Variants in SCRN1 observed in about 807,000 individuals in gnomAD.
The protein encoded by SCRN1 is secernin-1.
SCRN1 carries 19 observed loss-of-function variants against 43.3 expected under a neutral mutation model. The ratio of observed to expected loss-of-function variants is 0.44; its 90% CI spans 0.31 to 0.64. SCRN1 has a LOEUF of 0.64. Ranked by LOEUF, SCRN1 falls within the 30% of genes least tolerant of loss-of-function variation. SCRN1 has a pLI of 0.09. For missense variants in SCRN1, 447 were observed against 524.1 expected (o/e 0.85, Z 1.44); for synonymous variants, 183 against 188.9 (o/e 0.97, Z 0.26).
chr7:29,929,411 C>T (rs1787083755), intron 6 of SCRN1, among the ~76,000 whole-genome samples: 1 of 152,236 alleles, frequency 6.6e-6, no homozygotes, highest in Non-Finnish European at 1.5e-5. Flanking sequence ...AATCCCCATG[C>T]CACTCCAAAG....
chr7:29,979,612 C>T (rs1788939226), intron 1 of SCRN1, among the ~76,000 whole-genome samples: 1 of 152,150 alleles, frequency 6.6e-6, no homozygotes, highest in African/African-American at 2.4e-5. Context: ...CTCCTCCATA[C>T]CCAGTGATTC....
At chr7:29,936,278 C>T (rs898292664) in intron 6 of SCRN1, among the ~76,000 whole-genome samples, 1 of 152,138 alleles carries the variant, frequency 6.6e-6, no homozygotes, top group Non-Finnish European at 1.5e-5. Context: ...TAGGTTGGTG[C>T]AAAAGTAACG....
chr7:29,936,890 C>CA lies in SCRN1; in HGVS notation c.740-170dup, dbSNP rs1048560766. On this transcript the variant is annotated intron_variant, in intron 5 of 7. Coordinates refer to ENST00000242059, the MANE Select transcript of SCRN1 (RefSeq NM_014766.5). ...TGAAACCCCGTCTGTACTAAAAATA[C>CA]AAAAAAAAAGCCAGGGGTGGTGGCA... Among the ~76,000 whole-genome samples the CA allele has an allele frequency of 2.4e-4, 36 of 150,554 alleles. 1 individual carries two copies. The highest frequency in any genetic ancestry group is 9.2e-4 in the Admixed American group (14 of 15,146).
At chr7:29,947,276 G>C (rs1194760704) in intron 3 of SCRN1, 14 of 1,550,790 alleles carry the variant, frequency 9.0e-6, no homozygotes, top group Non-Finnish European at 1.2e-5. Context: ...CCTTCTCACA[G>C]GTATGTCAAG....
At chr7:29,945,061 G>T (rs1028327532) in intron 3 of SCRN1, among the ~76,000 whole-genome samples, 1 of 152,216 alleles carries the variant, frequency 6.6e-6, no homozygotes, top group African/African-American at 2.4e-5. Context: ...ATGGGCAGCT[G>T]GTTGGGACAT....
At chr7:29,986,591 G>C (rs1393606631) in intron 1 of SCRN1, among the ~76,000 whole-genome samples, 1 of 151,364 alleles carries the variant, frequency 6.6e-6, no homozygotes, top group African/African-American at 2.4e-5. Context: ...TTGTTTATCT[G>C]TATTCTTATT....
At chr7:29,961,782 C>A (rs1258297856) in intron 2 of SCRN1, among the ~76,000 whole-genome samples, 2 of 145,468 alleles carry the variant, frequency 1.4e-5, no homozygotes, top group African/African-American at 5.1e-5. Flanking sequence ...GGGGGCTGAC[C>A]CCCCCACCTC....
At position 29,937,642 on chromosome 7, in the gene SCRN1, G is replaced by A. The variant is rs141833686; in HGVS notation, c.740-921C>T. On this transcript the variant is annotated intron_variant, in intron 5 of 7. Coordinates refer to ENST00000242059, the MANE Select transcript of SCRN1 (RefSeq NM_014766.5). Reference sequence around the variant, plus strand: ...TCTATTTGGAGAATGTCCTCTCTGCGGTGGGAAATATATGCACAGAGAGGC... The same window carrying A: ...TCTATTTGGAGAATGTCCTCTCTGCAGTGGGAAATATATGCACAGAGAGGC... 1.4e-3 allele frequency among the ~76,000 whole-genome samples: 213 copies of A among 152,280 alleles called. 3 individuals are homozygous for A. Among genetic ancestry groups the A allele is most frequent in the African/African-American group, 5.0e-3 (206 of 41,560 alleles).
At chr7:29,938,693 C>T (rs987837603) in intron 5 of SCRN1, among the ~76,000 whole-genome samples, 2 of 152,240 alleles carry the variant, frequency 1.3e-5, no homozygotes, top group East Asian at 3.8e-4. Context: ...TTATTTCGGC[C>T]CATCCCTTTG....
intron 4 of SCRN1, 129 bp downstream of exon 4, chr7:29,943,848 T>C (rs1483896983): frequency 1.2e-6 from 1 of 842,322 alleles, no homozygotes; most frequent in African/African-American, 1.7e-5. Context: ...TGCCAAAGCA[T>C]GACAGTCCCA....
intron 3 of SCRN1, among the ~76,000 whole-genome samples, chr7:29,949,791 A>G (rs1042922094): frequency 6.6e-6 from 1 of 152,008 alleles, no homozygotes; most frequent in Non-Finnish European, 1.5e-5. Context: ...TTCCCGCCTC[A>G]GTCTCTCAAG....
chr7:29,938,488 C>T (rs1490795056), intron 5 of SCRN1, among the ~76,000 whole-genome samples: 7 of 152,352 alleles, frequency 4.6e-5, no homozygotes, highest in African/African-American at 1.4e-4. Context: ...ATCTCTGCAG[C>T]ACTGTGACAT....
intron 6 of SCRN1, among the ~76,000 whole-genome samples, chr7:29,936,330 A>G (rs1021340410): frequency 1.3e-5 from 2 of 152,238 alleles, no homozygotes; most frequent in Non-Finnish European, 2.9e-5. Flanking sequence ...AATAAATTTA[A>G]AAGAACTACT....
chr7:29,989,856 G>GT (rs1286074753), upstream of SCRN1: 2 of 850,852 alleles, frequency 2.4e-6, no homozygotes, highest in Non-Finnish European at 2.6e-6. Context: ...ACGTGACCGC[G>GT]GGCCCACCCT....
intron 1 of SCRN1, among the ~76,000 whole-genome samples, chr7:29,984,304 A>C (rs1789084585): frequency 6.6e-6 from 1 of 152,058 alleles, no homozygotes; most frequent in Non-Finnish European, 1.5e-5. Context: ...TTTACAATTA[A>C]AACCACAAAA....
intron 2 of SCRN1, among the ~76,000 whole-genome samples, chr7:29,961,749 C>T (rs1424374424): frequency 2.0e-5 from 3 of 150,720 alleles, no homozygotes. Flanking sequence ...CCTCACCTCC[C>T]GGATGGGGCG....
intron 3 of SCRN1, 56 bp from the exon 4 acceptor site, chr7:29,944,235 C>T: frequency 6.5e-7 from 1 of 1,540,360 alleles, no homozygotes; most frequent in African/African-American, 1.4e-5. Context: ...AGGATTGTTA[C>T]TAGAGTAACC....
upstream of SCRN1, chr7:29,990,114 C>T (rs916625666): frequency 1.3e-6 from 2 of 1,550,168 alleles, no homozygotes; most frequent in Admixed American, 2.0e-5. Context: ...CTCTTCCCGA[C>T]GTTTGGTTGC....
intron 1 of SCRN1, among the ~76,000 whole-genome samples, chr7:29,984,152 G>C (rs1414687166): frequency 1.4e-5 from 2 of 139,706 alleles, no homozygotes; most frequent in Non-Finnish European, 3.0e-5. Context: ...CTTGCAATGA[G>C]CCAAGATTGC....
Sources: allele counts gnomAD v4.1 joint callset (sites outside exome capture counted in the v4.1 genomes callset), GRCh38; gene constraint gnomAD v4.1.1; transcripts MANE v1.5; gene names NCBI Gene and HGNC (gene_info 2026-07-23, HGNC 2026-07-21).